TMEM131: variants seen among roughly 807,000 people sequenced by gnomAD.
TMEM131 encodes 2610524E03Rik.
Under a neutral mutation model 211.6 loss-of-function variants are expected in TMEM131, and 66 were observed. The ratio of observed to expected loss-of-function variants is 0.31; its 90% CI spans 0.26 to 0.38. The LOEUF is 0.38. TMEM131 is among the 10% of genes least tolerant of loss of function. The pLI is 1.00. For synonymous variants in TMEM131, 844 were observed against 841.3 expected, an observed-to-expected ratio of 1.00 and a Z score of -0.06; for missense variants, 2,036 against 2,299.3, an observed-to-expected ratio of 0.89 and a Z score of 2.34.
chr2:97,816,561 AC>A (rs942484618), intron 12 of TMEM131, among the ~76,000 whole-genome samples: 6 of 152,180 alleles, frequency 3.9e-5, no homozygotes, highest in Non-Finnish European at 7.3e-5. Context: ...ACAAAAAAGA[AC>A]AAGGAAATGG....
In TMEM131 at chr2:97,849,717, CTT is replaced by C. The variant is rs11320615; in HGVS notation, c.484-5458_484-5457del. Among the ~76,000 whole-genome samples the C allele has an allele frequency of 1.7e-3, 178 of 103,806 alleles. 1 individual carries two copies. Among genetic ancestry groups the C allele is most frequent in the Middle Eastern group, 0.012 (2 of 162 alleles). The allele number at this position is 103,806 out of a possible 152,430, so 68.1% of individuals were successfully genotyped here. On this transcript the variant is annotated intron_variant, in intron 5 of 40. Coordinates refer to ENST00000186436, the MANE Select transcript of TMEM131 (RefSeq NM_015348.2). ...TCTGTGTGTGTATATCTCTCTCTCT[CTT>C]TTTTTTTTTTTTTTTTTTTTTACTG...
intron 31 of TMEM131, among the ~76,000 whole-genome samples, chr2:97,783,151 G>C (rs1202565716): frequency 6.6e-6 from 1 of 152,014 alleles, no homozygotes; most frequent in East Asian, 1.9e-4. Context: ...AAACCACGGA[G>C]GCTAAAAGGA....
At chr2:97,790,184 CCCAG>C (rs1296520871) in intron 31 of TMEM131, among the ~76,000 whole-genome samples, 2 of 152,150 alleles carry the variant, frequency 1.3e-5, no homozygotes, top group Non-Finnish European at 2.9e-5. Flanking sequence ...AAAGGTTTTG[CCCAG>C]CTGGAAGCCT....
chr2:97,901,948 T>C (rs1675870350), intron 3 of TMEM131, among the ~76,000 whole-genome samples: 2 of 152,102 alleles, frequency 1.3e-5, no homozygotes, highest in Admixed American at 6.6e-5. Context: ...GAAGAGAAGA[T>C]TGGAAATGTT....
chr2:97,964,925 GGAAA>G (rs1047545745), intron 1 of TMEM131, among the ~76,000 whole-genome samples: 8 of 152,026 alleles, frequency 5.3e-5, no homozygotes, highest in Non-Finnish European at 1.0e-4. Flanking sequence ...CTTTTTTGTG[GGAAA>G]GAGAGTTTCT....
rs1677181506 is a variant in TMEM131, at chr2:97,930,664, C to T, written c.188-3177G>A. Among the ~76,000 whole-genome samples, 5 of 151,654 alleles carry T rather than the reference C, an allele frequency of 3.3e-5. No homozygotes were observed. In the South Asian group the frequency reaches 8.3e-4, roughly 25 times the overall value. ...CAATTATATGCCTCAAAAAACAGAACACTAGATACAGACTTAATCATTTCA... is the reference window on the plus strand; with the variant it reads ...CAATTATATGCCTCAAAAAACAGAATACTAGATACAGACTTAATCATTTCA... On this transcript the variant is annotated intron_variant, in intron 1 of 40. Coordinates refer to ENST00000186436, the MANE Select transcript of TMEM131 (RefSeq NM_015348.2).
At chr2:97,839,440 AAATTACAAAG>A (rs1683092969) in intron 7 of TMEM131, among the ~76,000 whole-genome samples, 3 of 152,252 alleles carry the variant, frequency 2.0e-5, no homozygotes, top group Admixed American at 2.0e-4. Context: ...GAAAAAGTCT[AAATTACAAAG>A]TCAAACAAAT....
At chr2:97,880,764 T>G (rs1465717909) in intron 4 of TMEM131, among the ~76,000 whole-genome samples, 2 of 151,946 alleles carry the variant, frequency 1.3e-5, no homozygotes, top group East Asian at 3.9e-4. Flanking sequence ...GCCCACCCAG[T>G]AAGAAAGCGC....
intron 2 of TMEM131, among the ~76,000 whole-genome samples, chr2:97,910,663 C>T (rs564930618): frequency 1.9e-4 from 29 of 152,060 alleles, no homozygotes; most frequent in Non-Finnish European, 3.4e-4. Flanking sequence ...CCATTCTAAC[C>T]GGTGTGAGAT....
At chr2:97,954,773 T>C (rs1004047009) in intron 1 of TMEM131, among the ~76,000 whole-genome samples, 12 of 137,434 alleles carry the variant, frequency 8.7e-5, no homozygotes, top group Admixed American at 2.3e-4. Context: ...GGCATTGCAC[T>C]TCAGCCTGGG....
chr2:97,914,759 T>C (rs563224867), intron 2 of TMEM131, among the ~76,000 whole-genome samples: 2 of 152,262 alleles, frequency 1.3e-5, no homozygotes, highest in Non-Finnish European at 2.9e-5. Context: ...AACGTATCAC[T>C]GTTTAACAGT....
At chr2:97,849,494 T>C (rs1683597799) in intron 5 of TMEM131, among the ~76,000 whole-genome samples, 1 of 152,156 alleles carries the variant, frequency 6.6e-6, no homozygotes, top group Admixed American at 6.5e-5. Context: ...GTTCCATTAA[T>C]ACAGTCTTCT....
chr2:97,767,431 G>A (rs959923402), intron 33 of TMEM131, among the ~76,000 whole-genome samples: 11 of 152,152 alleles, frequency 7.2e-5, no homozygotes, highest in Non-Finnish European at 1.5e-4. Flanking sequence ...GGCTACAAAG[G>A]CATTCTTTAT....
chr2:97,909,122 T>A (rs1676193721), intron 2 of TMEM131, among the ~76,000 whole-genome samples: 1 of 152,118 alleles, frequency 6.6e-6, no homozygotes, highest in African/African-American at 2.4e-5. Flanking sequence ...AATAGGATTA[T>A]CAAAATATTG....
intron 1 of TMEM131, among the ~76,000 whole-genome samples, chr2:97,985,855 GATTTGC>G (rs891468426): frequency 6.6e-5 from 10 of 151,822 alleles, no homozygotes; most frequent in African/African-American, 2.4e-4. Context: ...AAGAAATAGA[GATTTGC>G]ATTTAAAGAT....
chr2:97,994,141 A>G (rs1680381413), intron 1 of TMEM131, among the ~76,000 whole-genome samples: 2 of 152,306 alleles, frequency 1.3e-5, no homozygotes, highest in East Asian at 1.9e-4. Context: ...AACACCCACT[A>G]CAGGCCAAAA....
Position 97,792,836 on chromosome 2 carries a change from C to G in TMEM131, c.3694G>C (p.Val1232Leu). 3 of 1,613,962 alleles carry G rather than the reference C, an allele frequency of 1.9e-6. 1 individual carries two copies. Among genetic ancestry groups the G allele is most frequent in the South Asian group, 1.1e-5 (1 of 91,082 alleles). Residue 1232 changes from valine to leucine, a missense_variant, in exon 31 of 41, where the codon GTG becomes CTG. Physicochemically the swap from Val to Leu is conservative, Grantham distance 32. Around this residue, in one of 3 missense-constraint regions of TMEM131, gnomAD observed 1,623 missense variants for 1,805.9 expected, o/e 0.90. Coordinates refer to ENST00000186436, the MANE Select transcript of TMEM131 (RefSeq NM_015348.2). ...SSHSNRNSAD[V>L]ENVRAKNSSS... ...CTGTTTTTGGCTCTGACGTTTTCCA[C>G]GTCAGCTGAGTTTCTATTGCTGTGA... is the stretch of plus-strand genomic sequence containing the variant.
At chr2:97,777,173 C>A (rs531413912) in intron 31 of TMEM131, among the ~76,000 whole-genome samples, 1 of 152,210 alleles carries the variant, frequency 6.6e-6, no homozygotes, top group East Asian at 1.9e-4. Context: ...GGTTCTAGCA[C>A]CTCAGATTGT....
intron 1 of TMEM131, among the ~76,000 whole-genome samples, chr2:97,983,499 A>G (rs1042425918): frequency 2.0e-5 from 3 of 152,304 alleles, no homozygotes; most frequent in Admixed American, 6.5e-5. Context: ...GTCTTGCTCA[A>G]TTAATTTAAA....
Sources: allele counts gnomAD v4.1 joint callset (sites outside exome capture counted in the v4.1 genomes callset), GRCh38; gene constraint gnomAD v4.1.1; regional missense constraint gnomAD v4.1.1; transcripts MANE v1.5; gene names NCBI Gene and HGNC (gene_info 2026-07-23, HGNC 2026-07-21).